The following FHIP1A variants were observed in gnomAD, a reference collection of about 807,000 sequenced individuals.
FHIP1A encodes the protein FHF complex subunit HOOK interacting protein 1A.
FHIP1A carries 61 observed loss-of-function variants against 88.6 expected under a neutral mutation model. That is an observed-to-expected ratio of 0.69 (90% CI 0.56 to 0.85). The LOEUF (loss-of-function observed/expected upper bound fraction) is 0.85, where lower values mean the gene tolerates loss of function less well. Among genes scored for constraint, FHIP1A ranks in the 40% least tolerant of loss-of-function variants. The probability of loss-of-function intolerance (pLI) is 0.00; values close to 1 mark genes in which losing one functional copy is unlikely to be tolerated. For missense variants in FHIP1A, 1,154 were observed against 1,273.5 expected (o/e 0.91, Z 1.43); for synonymous variants, 478 against 496.0 (o/e 0.96, Z 0.48).
chr4:151,477,993 G>A lies in FHIP1A; in HGVS notation c.-247-4531G>A, dbSNP rs73861839. 7.9e-3 allele frequency among the ~76,000 whole-genome samples: 1,202 copies of A among 152,056 alleles called. 11 individuals carry two copies. The highest frequency in any genetic ancestry group is 0.028 in the African/African-American group (1,154 of 41,474). On this transcript the variant is annotated intron_variant, in intron 2 of 13. Coordinates refer to ENST00000435205, the MANE Select transcript of FHIP1A (RefSeq NM_001109977.3). ...GTCCTAGACATGCAAACATTCATACGCACTATGAATGTATTCTGCATATAC... is the reference window on the plus strand; with the variant it reads ...GTCCTAGACATGCAAACATTCATACACACTATGAATGTATTCTGCATATAC...
At position 151,649,704 on chromosome 4, in the gene FHIP1A, C is replaced by T. The variant is rs1736937147; in HGVS notation, c.1663C>T (p.Pro555Ser). The change falls in exon 11 of 14, where the codon CCG becomes TCG. Residue 555 changes from proline (P) to serine (S), a missense_variant. Pro to Ser is a moderately conservative substitution (Grantham distance 74, BLOSUM62 -1). Coordinates refer to ENST00000435205, the MANE Select transcript of FHIP1A (RefSeq NM_001109977.3). ...VSSACPVFGL[P>S]QQLPRKTGPQ... is the part of the protein sequence containing the mutation. ...CTCGGCCTGCCCTGTGTTCGGGCTCCCGCAACAACTCCCCAGGAAGACAGG... is the reference window on the plus strand; with the variant it reads ...CTCGGCCTGCCCTGTGTTCGGGCTCTCGCAACAACTCCCCAGGAAGACAGG... The T allele has an allele frequency of 5.8e-6, 9 of 1,551,408 alleles. No individual in the cohort carries two copies. Among genetic ancestry groups the T allele is most frequent in the Non-Finnish European group, 7.8e-6 (9 of 1,146,942 alleles).
rs1435607215 is a variant in FHIP1A at position 151,663,320 on chromosome 4, G to T, written c.*566G>T. 1 of 152,220 alleles carries T rather than the reference G, an allele frequency of 6.6e-6. No homozygotes were observed. The highest frequency in any genetic ancestry group is 1.5e-5 in the Non-Finnish European group (1 of 68,046). 9.4% of individuals were successfully genotyped at this position (152,220 alleles called of 1,614,324 possible). ...TTCCAGGACGTGTGTCGTCCCCAGC[G>T]TGTGTTGCCTTATGGTGCCGGCAGA... is the stretch of plus-strand genomic sequence containing the variant. On this transcript the variant is annotated 3_prime_UTR_variant, in exon 14 of 14. Coordinates refer to ENST00000435205, the MANE Select transcript of FHIP1A (RefSeq NM_001109977.3).
chr4:151,474,184 A>G (rs895815233), intron 2 of FHIP1A, among the ~76,000 whole-genome samples: 3 of 152,208 alleles, frequency 2.0e-5, no homozygotes, highest in Non-Finnish European at 4.4e-5. Context: ...TACTGGTGGA[A>G]AAATTACTGT....
At chr4:151,543,990 G>A (rs563000169) in intron 3 of FHIP1A, among the ~76,000 whole-genome samples, 32 of 152,250 alleles carry the variant, frequency 2.1e-4, no homozygotes, top group African/African-American at 5.3e-4. Flanking sequence ...CTTTGCTAAC[G>A]TGATAGATGA....
intron 3 of FHIP1A, among the ~76,000 whole-genome samples, chr4:151,486,242 T>C (rs1472065362): frequency 6.6e-6 from 1 of 152,164 alleles, no homozygotes; most frequent in Non-Finnish European, 1.5e-5. Flanking sequence ...TCTCAGAGGT[T>C]GGGGACCCCC....
intron 3 of FHIP1A, among the ~76,000 whole-genome samples, chr4:151,508,728 C>G (rs1425424687): frequency 2.0e-5 from 3 of 152,160 alleles, no homozygotes; most frequent in Non-Finnish European, 4.4e-5. Context: ...CCACTGAGTC[C>G]TGGAACCAGG....
chr4:151,612,272 A>T (rs1735351295), intron 7 of FHIP1A, among the ~76,000 whole-genome samples: 1 of 152,126 alleles, frequency 6.6e-6, no homozygotes, highest in South Asian at 2.1e-4. Flanking sequence ...GAAAATTTTT[A>T]TTGTGTTTTT....
chr4:151,513,238 A>G (rs1560740561), intron 3 of FHIP1A, among the ~76,000 whole-genome samples: 1 of 152,238 alleles, frequency 6.6e-6, no homozygotes, highest in Non-Finnish European at 1.5e-5. Flanking sequence ...AGTCCTTTAC[A>G]GACAAGCAAA....
intron 1 of FHIP1A, among the ~76,000 whole-genome samples, chr4:151,436,834 A>C (rs1167836059): frequency 6.6e-6 from 1 of 152,168 alleles, no homozygotes; most frequent in African/African-American, 2.4e-5. Context: ...TAGTAATACC[A>C]ACATCCATGG....
Position 151,463,890 on chromosome 4 carries a change from A to C in FHIP1A, c.-248+9082A>C, listed in dbSNP as rs188948713. Among the ~76,000 whole-genome samples the C allele has an allele frequency of 5.6e-4, 85 of 152,212 alleles. 1 individual carries two copies. The highest frequency in any genetic ancestry group is 1.6e-4 in the Non-Finnish European group (11 of 68,016). ...TCTATTTTTTACATTCCATTTAGAG[A>C]GGTTTGGTTACTGCCCTTGGTGAAT... On this transcript the variant is annotated intron_variant, in intron 2 of 13. Coordinates refer to ENST00000435205, the MANE Select transcript of FHIP1A (RefSeq NM_001109977.3).
At chr4:151,500,001 C>T (rs926042111) in intron 3 of FHIP1A, among the ~76,000 whole-genome samples, 1 of 152,162 alleles carries the variant, frequency 6.6e-6, no homozygotes, top group African/African-American at 2.4e-5. Context: ...ACTTTTTTCT[C>T]ATTTTCTTTT....
intron 4 of FHIP1A, among the ~76,000 whole-genome samples, chr4:151,576,427 A>G (rs6836355): frequency 0.013 from 1,918 of 152,134 alleles, 39 homozygotes; most frequent in African/African-American, 0.044. Context: ...AATGATCCTA[A>G]TACCTCAGAG....
At chr4:151,544,948 T>G (rs1019015370) in intron 3 of FHIP1A, among the ~76,000 whole-genome samples, 2 of 152,088 alleles carry the variant, frequency 1.3e-5, no homozygotes, top group African/African-American at 4.8e-5. Context: ...TGTGGTAGTG[T>G]GCACCTGCAA....
chr4:151,416,715 C>T (rs568498787), intron 1 of FHIP1A, among the ~76,000 whole-genome samples: 28 of 152,002 alleles, frequency 1.8e-4, no homozygotes, highest in African/African-American at 6.3e-4. Context: ...TCTTAGGACA[C>T]GGGAAACTTA....
intron 4 of FHIP1A, among the ~76,000 whole-genome samples, chr4:151,572,258 A>T (rs1166680435): frequency 6.6e-6 from 1 of 152,176 alleles, no homozygotes; most frequent in Admixed American, 6.5e-5. Flanking sequence ...TTGAAATGTC[A>T]GCAGCTCTCT....
chr4:151,661,014 C>T (rs1737435880), intron 13 of FHIP1A, among the ~76,000 whole-genome samples: 1 of 152,170 alleles, frequency 6.6e-6, no homozygotes, highest in Non-Finnish European at 1.5e-5. Context: ...CAAATAATGC[C>T]TCTAAGGCTA....
chr4:151,423,614 A>G (rs1733257874), intron 1 of FHIP1A, among the ~76,000 whole-genome samples: 1 of 152,200 alleles, frequency 6.6e-6, no homozygotes, highest in Admixed American at 6.5e-5. Context: ...GGGAGTTTCT[A>G]TGAGGGTTAA....
At chr4:151,437,619 A>G (rs1187563197) in intron 1 of FHIP1A, among the ~76,000 whole-genome samples, 1 of 152,198 alleles carries the variant, frequency 6.6e-6, no homozygotes, top group Non-Finnish European at 1.5e-5. Context: ...TACCTCTAAC[A>G]TGGTAATAAA....
In FHIP1A at chr4:151,646,558, G is replaced by A. The variant is rs1237948414; in HGVS notation, c.1227G>A (p.Arg409=). The change falls in exon 10 of 14, where the codon AGG becomes AGA. Residue 409 remains arginine, a splice_region_variant and synonymous_variant. Coordinates refer to ENST00000435205, the MANE Select transcript of FHIP1A (RefSeq NM_001109977.3). ...ACGCTTGTTCTTTTTGTCATTCTAG[G>A]TATCTGATCCCCTGCAATCACATGA... The part of the protein sequence containing the change: ...CEDVMLQLVL[R]YLIPCNHMML... 1.3e-6 allele frequency: 2 copies of A among 1,549,460 alleles called. No homozygotes were observed. Among genetic ancestry groups the A allele is most frequent in the South Asian group, 1.2e-5 (1 of 83,968 alleles).
Sources: gnomAD v4.1 joint callset for allele counts (sites outside exome capture counted in the v4.1 genomes callset) on GRCh38, gnomAD v4.1.1 for gene constraint, MANE v1.5 for transcripts, NCBI Gene and HGNC (gene_info 2026-07-23, HGNC 2026-07-21) for gene names.